The following ANKAR variants were observed in gnomAD, a reference collection of about 807,000 sequenced individuals.
ANKAR encodes ankyrin and armadillo repeat-containing protein.
A neutral mutation model predicts 146.2 loss-of-function variants in ANKAR; 136 were observed. That is an observed-to-expected ratio of 0.93 (90% CI 0.81 to 1.07). The LOEUF (loss-of-function observed/expected upper bound fraction) is 1.07, where lower values mean the gene tolerates loss of function less well. Ranked by LOEUF, ANKAR falls within the 50% of genes least tolerant of loss-of-function variation. The pLI, the probability that ANKAR is intolerant of heterozygous loss-of-function variation, is 0.00. For synonymous variants in ANKAR, 500 were observed against 575.8 expected, an observed-to-expected ratio of 0.87 and a Z score of 1.88; for missense variants, 1,567 against 1,679.9, an observed-to-expected ratio of 0.93 and a Z score of 1.18.
chr2:189,729,909 C>T (rs1286369861), intron 15 of ANKAR, among the ~76,000 whole-genome samples: 2 of 151,302 alleles, frequency 1.3e-5, no homozygotes, highest in Non-Finnish European at 2.9e-5. Flanking sequence ...AGCAAAAGAA[C>T]AGAGTTAAAA....
intron 22 of ANKAR, 64 bp from the exon 23 acceptor site, chr2:189,746,316 G>A: frequency 1.4e-6 from 2 of 1,465,296 alleles, no homozygotes; most frequent in Non-Finnish European, 1.8e-6. Flanking sequence ...CTACATAGAA[G>A]TAGAAGTAAT....
chr2:189,752,824 G>T (rs1323329620), intron 18 of ANKAR: 1 of 1,613,364 alleles, frequency 6.2e-7, no homozygotes, highest in Non-Finnish European at 8.5e-7. Flanking sequence ...AGTTATGAGT[G>T]AAGCACGTAT....
intron 22 of ANKAR, among the ~76,000 whole-genome samples, chr2:189,745,379 A>C (rs527476453): frequency 2.2e-4 from 34 of 152,314 alleles, no homozygotes; most frequent in South Asian, 4.1e-4. Context: ...GCATAGAAGT[A>C]AGTCATTATT....
intron 7 of ANKAR, among the ~76,000 whole-genome samples, chr2:189,702,552 A>G (rs75390348): frequency 0.019 from 2,846 of 152,246 alleles, 85 homozygotes; most frequent in African/African-American, 0.065. Flanking sequence ...CAGTTTGCCC[A>G]TTACCTCACT....
chr2:189,758,681 C>T (rs2046467022), intron 18 of ANKAR, among the ~76,000 whole-genome samples: 1 of 152,232 alleles, frequency 6.6e-6, no homozygotes, highest in South Asian at 2.1e-4. Flanking sequence ...GGCCACTGAA[C>T]ACCTGTGATG....
chr2:189,694,492 G>A (rs2036903895), intron 5 of ANKAR, among the ~76,000 whole-genome samples: 1 of 152,170 alleles, frequency 6.6e-6, no homozygotes, highest in African/African-American at 2.4e-5. Context: ...AGGGATCAGG[G>A]CTGTTTCAAG....
At chr2:189,705,585 G>A (rs1445613910) in intron 8 of ANKAR, among the ~76,000 whole-genome samples, 1 of 152,128 alleles carries the variant, frequency 6.6e-6, no homozygotes, top group East Asian at 1.9e-4. Context: ...TTTGCTTAGT[G>A]CCCTGGAAGA....
intron 8 of ANKAR, among the ~76,000 whole-genome samples, chr2:189,706,265 T>C (rs2038933122): frequency 6.6e-6 from 1 of 151,856 alleles, no homozygotes; most frequent in South Asian, 2.1e-4. Context: ...TCCATGCCTG[T>C]AATACTAGCT....
intron 15 of ANKAR, among the ~76,000 whole-genome samples, chr2:189,729,915 T>TA (rs1449351283): frequency 6.6e-6 from 1 of 152,006 alleles, no homozygotes; most frequent in Non-Finnish European, 1.5e-5. Context: ...AGAACAGAGT[T>TA]AAAATTCTTT....
chr2:189,761,908 T>A (rs1385096357), downstream of ANKAR, among the ~76,000 whole-genome samples: 2 of 152,156 alleles, frequency 1.3e-5, no homozygotes, highest in Non-Finnish European at 2.9e-5. Flanking sequence ...ACCAAAAGAC[T>A]TACTATTAAG....
intron 10 of ANKAR, among the ~76,000 whole-genome samples, chr2:189,713,872 C>G (rs1472635807): frequency 2.0e-5 from 3 of 152,184 alleles, no homozygotes; most frequent in Non-Finnish European, 4.4e-5. Context: ...AGACCCATCT[C>G]ATGTGCAGAG....
rs766813743 is a variant in ANKAR at position 189,676,807 on chromosome 2, A to C, written c.317A>C (p.Glu106Ala). ...AGAGAGGTCCATCAAATGATAAGAG[A>C]GTTGGCTATTGGAATTTATTGCCTA... ...DYREVHQMIR[E>A]LAIGIYCLNQ... The change falls in exon 2 of 23, where the codon GAG (glutamate) becomes GCG (alanine). Residue 106 changes from glutamate to alanine, a missense_variant. Coordinates refer to ENST00000684021, the MANE Select transcript of ANKAR (RefSeq NM_001378068.1). 9 of 1,614,048 alleles carry C rather than the reference A, an allele frequency of 5.6e-6. No individual in the cohort carries two copies. The highest frequency in any genetic ancestry group is 3.3e-5 in the Admixed American group (2 of 60,010).
chr2:189,679,799 C>T (rs1020747333), intron 2 of ANKAR, among the ~76,000 whole-genome samples: 7 of 152,082 alleles, frequency 4.6e-5, no homozygotes, highest in East Asian at 1.9e-4. Flanking sequence ...ATCCCTGGCA[C>T]GAAACCCACT....
At chr2:189,740,358 G>A (rs1236820905) in intron 19 of ANKAR, among the ~76,000 whole-genome samples, 3 of 152,002 alleles carry the variant, frequency 2.0e-5, no homozygotes, top group South Asian at 2.1e-4. Context: ...TTCCCCATTC[G>A]GAGGCAATAA....
intron 9 of ANKAR, among the ~76,000 whole-genome samples, chr2:189,710,606 C>A (rs1229151723): frequency 6.6e-6 from 1 of 152,122 alleles, no homozygotes; most frequent in Non-Finnish European, 1.5e-5. Context: ...TTGAGACCAG[C>A]CTGGGCCACA....
chr2:189,734,095 T>C (rs2042631525), intron 17 of ANKAR, among the ~76,000 whole-genome samples: 1 of 152,218 alleles, frequency 6.6e-6, no homozygotes, highest in African/African-American at 2.4e-5. Context: ...GTGGTCTTCT[T>C]CACTCACCTT....
At chr2:189,714,456 C>G (rs1329790148) in intron 10 of ANKAR, among the ~76,000 whole-genome samples, 18 of 152,166 alleles carry the variant, frequency 1.2e-4, no homozygotes, top group African/African-American at 4.3e-4. Flanking sequence ...GATTAAGAAA[C>G]TCACTCAAAA....
intron 10 of ANKAR, among the ~76,000 whole-genome samples, chr2:189,714,966 A>AAG (rs759644739): frequency 1.6e-5 from 2 of 123,856 alleles, no homozygotes; most frequent in South Asian, 2.5e-4. Context: ...AAAAAAAAAA[A>AAG]AGAGAGAGAG....
At chr2:189,696,126 T>C (rs1436714528) in intron 6 of ANKAR, 24 bp from the exon 7 acceptor site, 4 of 1,608,014 alleles carry the variant, frequency 2.5e-6, no homozygotes, top group Non-Finnish European at 2.5e-6. Flanking sequence ...TTTGATAAAC[T>C]GATTCTGGCC....
Sources: gnomAD v4.1 joint callset for allele counts (sites outside exome capture counted in the v4.1 genomes callset) on GRCh38, gnomAD v4.1.1 for gene constraint, MANE v1.5 for transcripts, NCBI Gene and HGNC (gene_info 2026-07-23, HGNC 2026-07-21) for gene names.